RASSF6: variants seen among roughly 807,000 people sequenced by gnomAD.
RASSF6 encodes the protein Ras association domain family member 6.
A neutral mutation model predicts 44.0 loss-of-function variants in RASSF6; 52 were observed. The observed-to-expected ratio is 1.18, with a 90% CI of 0.95 to 1.49. The LOEUF is 1.49. Among genes scored for constraint, RASSF6 ranks in the 40% most tolerant of loss-of-function variants. The pLI is 0.00. For missense variants in RASSF6, 464 were observed against 393.3 expected, an observed-to-expected ratio of 1.18 and a Z score of -1.52; for synonymous variants, 162 against 124.6, an observed-to-expected ratio of 1.30 and a Z score of -2.00.
At chr4:73,584,056 G>A (rs563784226) in intron 6 of RASSF6, among the ~76,000 whole-genome samples, 3 of 152,182 alleles carry the variant, frequency 2.0e-5, no homozygotes, top group South Asian at 4.1e-4. Context: ...TGTGAAGAGG[G>A]AAACAGGACA....
At chr4:73,609,684 A>G (rs1187367213) in intron 2 of RASSF6, among the ~76,000 whole-genome samples, 3 of 152,208 alleles carry the variant, frequency 2.0e-5, no homozygotes, top group Non-Finnish European at 4.4e-5. Flanking sequence ...GTTTACCACA[A>G]CAATGCCTAG....
intron 1 of RASSF6, among the ~76,000 whole-genome samples, chr4:73,614,377 G>T (rs754562625): frequency 3.9e-5 from 6 of 152,180 alleles, no homozygotes; most frequent in Non-Finnish European, 8.8e-5. Flanking sequence ...GAGGTGATTA[G>T]TTCATGATGG....
chr4:73,616,405 C>G (rs1459898035), intron 1 of RASSF6, among the ~76,000 whole-genome samples: 1 of 152,030 alleles, frequency 6.6e-6, no homozygotes, highest in African/African-American at 2.4e-5. Context: ...TTTTATTTTA[C>G]TTAATTTGAT....
At chr4:73,581,577 TG>T (rs1235447954) in intron 8 of RASSF6, among the ~76,000 whole-genome samples, 1 of 152,212 alleles carries the variant, frequency 6.6e-6, no homozygotes, top group Non-Finnish European at 1.5e-5. Context: ...GATAATTTAA[TG>T]TCTGGCCAAC....
intron 1 of RASSF6, among the ~76,000 whole-genome samples, chr4:73,619,417 T>G (rs776226223): frequency 9.2e-5 from 14 of 152,152 alleles, no homozygotes; most frequent in Non-Finnish European, 1.9e-4. Context: ...CGGGAACCAG[T>G]TCAATTCCAG....
intron 8 of RASSF6, among the ~76,000 whole-genome samples, chr4:73,580,085 A>C (rs1723510785): frequency 7.5e-6 from 1 of 133,326 alleles, no homozygotes; most frequent in African/African-American, 2.8e-5. Context: ...ATGTGTTCTC[A>C]TTGTTCAATT....
At chr4:73,611,868 T>A (rs570372904) in intron 1 of RASSF6, 39 bp from the exon 2 acceptor site, 3 of 1,328,322 alleles carry the variant, frequency 2.3e-6, no homozygotes, top group Admixed American at 3.4e-5. Flanking sequence ...GTTCCTATAA[T>A]GCATTAAAAA....
In RASSF6 at chr4:73,575,667, C is replaced by G. The variant is rs970938838; in HGVS notation, c.*568G>C. On this transcript the variant is annotated 3_prime_UTR_variant, in exon 11 of 11. Transcript: ENST00000307439. ...TTCAATTAGGATTTCTTAACAGAGT[C>G]CATAATTTTTCCTTTCCAAAGGCCA... 55 of 152,026 alleles carry G rather than the reference C, an allele frequency of 3.6e-4. No individual in the cohort carries two copies. The highest frequency in any genetic ancestry group is 1.3e-3 in the African/African-American group (54 of 41,398). 9.4% of individuals were successfully genotyped at this position (152,026 alleles called of 1,614,324 possible). A position where few individuals can be genotyped will look rare whatever the true frequency, so the allele number is the denominator to read the frequency against.
At chr4:73,600,260 T>C (rs1240530566) in intron 2 of RASSF6, among the ~76,000 whole-genome samples, 2 of 152,206 alleles carry the variant, frequency 1.3e-5, no homozygotes, top group Non-Finnish European at 2.9e-5. Context: ...CACTGTATCC[T>C]GTGCCTGGAA....
intron 1 of RASSF6, chr4:73,615,995 A>G: frequency 2.8e-6 from 4 of 1,433,434 alleles, no homozygotes; most frequent in South Asian, 2.5e-5. Flanking sequence ...TTATCCAACC[A>G]TGAGTTAATT....
chr4:73,586,451 A>G (rs1243086281), intron 5 of RASSF6, among the ~76,000 whole-genome samples: 1 of 151,996 alleles, frequency 6.6e-6, no homozygotes, highest in East Asian at 1.9e-4. Flanking sequence ...ATTGAGCTAC[A>G]ATGTGTTACT....
rs1723100412 is a variant in RASSF6 at position 73,574,642 on chromosome 4, A to G, written c.*1593T>C. 6.6e-6 allele frequency: 1 copy of G among 152,130 alleles called. No homozygotes were observed. Among genetic ancestry groups the G allele is most frequent in the Non-Finnish European group, 1.5e-5 (1 of 68,020 alleles). The allele number at this position is 152,130 out of a possible 1,614,324, so 9.4% of individuals were successfully genotyped here. On this transcript the variant is annotated 3_prime_UTR_variant, in exon 11 of 11. Coordinates refer to ENST00000307439, the MANE Select transcript of RASSF6 (RefSeq NM_177532.5). ...ATATTAAACTTTCCCTGTTTAAATT[A>G]CTACCTTGTTTCTGTCTTCTGATTG...
intron 5 of RASSF6, among the ~76,000 whole-genome samples, chr4:73,585,816 A>AT (rs1021434734): frequency 6.6e-6 from 1 of 151,448 alleles, no homozygotes; most frequent in Non-Finnish European, 1.5e-5. Context: ...CTGGATCCTT[A>AT]TTTTTTTATT....
intron 2 of RASSF6, among the ~76,000 whole-genome samples, chr4:73,601,242 G>A (rs187637358): frequency 1.3e-5 from 2 of 152,320 alleles, no homozygotes; most frequent in Admixed American, 6.5e-5. Flanking sequence ...GTTGGCAGAT[G>A]GTGGTCCCAG....
chr4:73,591,372 C>T (rs934710314), intron 4 of RASSF6, among the ~76,000 whole-genome samples: 4 of 152,090 alleles, frequency 2.6e-5, no homozygotes, highest in Non-Finnish European at 5.9e-5. Context: ...ATTTCTGTGG[C>T]ATTTTCCTTT....
chr4:73,611,778 G>A lies in RASSF6; in HGVS notation c.18C>T (p.His6=). 6.2e-7 allele frequency: 1 copy of A among 1,611,494 alleles called. No homozygotes were observed. Among genetic ancestry groups the A allele is most frequent in the South Asian group, 1.1e-5 (1 of 90,988 alleles). The part of the protein sequence containing the change: MTMMA[H]QYPSWIFINE... ...TAATGAAGATCCAAGAGGGGTACTG[G>A]TGAGCCATCATAGTCATCTTTTCCT... The change falls in exon 2 of 11, where the codon CAC becomes CAT. Residue 6 remains histidine, a synonymous_variant. Coordinates refer to ENST00000307439, the MANE Select transcript of RASSF6 (RefSeq NM_177532.5).
chr4:73,589,510 G>A lies in RASSF6; in HGVS notation c.288-1576C>T, dbSNP rs118033990. On this transcript the variant is annotated intron_variant, in intron 4 of 10. Coordinates refer to ENST00000307439, the MANE Select transcript of RASSF6 (RefSeq NM_177532.5). ...GCCAGTCAAATTCTCGGTGACCCTC[G>A]CAGACGTGACAGCTTAGTTTTGTCA... Among the ~76,000 whole-genome samples, 269 of 152,086 alleles carry A rather than the reference G, an allele frequency of 1.8e-3. 3 individuals are homozygous for A. Among genetic ancestry groups the A allele is most frequent in the East Asian group, 7.5e-3 (39 of 5,168 alleles).
intron 1 of RASSF6, among the ~76,000 whole-genome samples, chr4:73,613,150 T>A (rs1726138164): frequency 6.6e-6 from 1 of 152,216 alleles, no homozygotes; most frequent in Non-Finnish European, 1.5e-5. Flanking sequence ...TTTCTATTGC[T>A]ATCTTCTTGC....
chr4:73,577,385 C>G (rs1723306230), intron 8 of RASSF6, among the ~76,000 whole-genome samples: 1 of 152,118 alleles, frequency 6.6e-6, no homozygotes, highest in Admixed American at 6.6e-5. Context: ...AGCTTTCTGT[C>G]AAAGTAGTTT....
Sources: gnomAD v4.1 joint callset for allele counts (sites outside exome capture counted in the v4.1 genomes callset) on GRCh38, gnomAD v4.1.1 for gene constraint, MANE v1.5 for transcripts, NCBI Gene and HGNC (gene_info 2026-07-23, HGNC 2026-07-21) for gene names.